Variants in POPDC1 observed in about 807,000 individuals in gnomAD.
The protein encoded by POPDC1 is popeye domain cAMP effector 1.
the POPDC1 span, chr6:105,101,180 T>C: frequency 6.2e-7 from 1 of 1,613,418 alleles, no homozygotes; most frequent in Non-Finnish European, 8.5e-7. Context: ...CGGTTTCATC[T>C]TGGCAGAGGC....
chr6:105,103,289 T>C, the POPDC1 span, among the ~76,000 whole-genome samples: 1 of 152,200 alleles, frequency 6.6e-6, no homozygotes. Context: ...TTGTAAATAT[T>C]TGTAAGAACA....
the POPDC1 span, chr6:105,096,842 T>C: frequency 4.6e-5 from 7 of 152,780 alleles, no homozygotes; most frequent in African/African-American, 1.7e-4. Context: ...AAGAAATTTA[T>C]TTGATCAAAT....
At chr6:105,102,956 G>A in the POPDC1 span, among the ~76,000 whole-genome samples, 1 of 152,158 alleles carries the variant, frequency 6.6e-6, no homozygotes, top group Non-Finnish European at 1.5e-5. Flanking sequence ...GACATAAACT[G>A]TAGAAAAGAA....
chr6:105,133,332 G>C, the POPDC1 span: 6 of 1,570,250 alleles, frequency 3.8e-6, no homozygotes, highest in South Asian at 5.7e-5. Flanking sequence ...GTTACATAAA[G>C]TATCAGTTAG....
At chr6:105,132,186 G>A in the POPDC1 span, among the ~76,000 whole-genome samples, 7 of 152,008 alleles carry the variant, frequency 4.6e-5, no homozygotes, top group African/African-American at 7.2e-5. Context: ...AGCTGGTCTC[G>A]AACTCCTGAC....
the POPDC1 span, among the ~76,000 whole-genome samples, chr6:105,130,692 TA>T: frequency 6.6e-6 from 1 of 152,162 alleles, no homozygotes; most frequent in Non-Finnish European, 1.5e-5. Context: ...TATAAACCAA[TA>T]AAGTACAGCT....
At chr6:105,134,537 C>T in the POPDC1 span, among the ~76,000 whole-genome samples, 13 of 152,224 alleles carry the variant, frequency 8.5e-5, no homozygotes, top group South Asian at 2.7e-3. Context: ...ACCCTAAATA[C>T]ATTTAAATTT....
At chr6:105,108,589 C>A in the POPDC1 span, among the ~76,000 whole-genome samples, 22 of 152,054 alleles carry the variant, frequency 1.4e-4, no homozygotes, top group African/African-American at 5.3e-4. Flanking sequence ...AACAGCAAGG[C>A]AATGAAACAA....
At chr6:105,111,179 A>C in the POPDC1 span, among the ~76,000 whole-genome samples, 1 of 152,192 alleles carries the variant, frequency 6.6e-6, no homozygotes, top group African/African-American at 2.4e-5. Flanking sequence ...TTGTCTTGTG[A>C]TTTTAAAAAA....
the POPDC1 span, among the ~76,000 whole-genome samples, chr6:105,109,888 G>A: frequency 2.6e-5 from 4 of 151,982 alleles, no homozygotes; most frequent in East Asian, 7.7e-4. Context: ...TTAGCTTGGA[G>A]GGGGGTCAGT....
the POPDC1 span, chr6:105,125,361 T>G: frequency 6.2e-7 from 1 of 1,609,176 alleles, no homozygotes; most frequent in Non-Finnish European, 8.5e-7. Flanking sequence ...AAAGGTAAAC[T>G]AGGAATTTTG....
the POPDC1 span, chr6:105,101,258 C>A: frequency 1.3e-6 from 2 of 1,526,148 alleles, no homozygotes. Flanking sequence ...GCACAATCTA[C>A]CCAGACCCTG....
chr6:105,133,283 C>T, the POPDC1 span: 1 of 1,297,742 alleles, frequency 7.7e-7, no homozygotes, highest in Non-Finnish European at 1.1e-6. Context: ...TACTCTGAAG[C>T]TCTCAATGTA....
At chr6:105,130,641 C>T in the POPDC1 span, among the ~76,000 whole-genome samples, 12 of 152,140 alleles carry the variant, frequency 7.9e-5, no homozygotes, top group African/African-American at 1.9e-4. Flanking sequence ...AGAGACTATA[C>T]GTACATAAAC....
the POPDC1 span, among the ~76,000 whole-genome samples, chr6:105,125,863 GA>G: frequency 1.3e-5 from 2 of 152,206 alleles, no homozygotes; most frequent in Admixed American, 1.3e-4. Context: ...AAGAGTTTGA[GA>G]GCAGCCTGGG....
chr6:105,113,831 T>TTTTA, the POPDC1 span, among the ~76,000 whole-genome samples: 367 of 146,942 alleles, frequency 2.5e-3, 3 homozygotes, highest in East Asian at 6.4e-3. Context: ...TTTTTTTTTT[T>TTTTA]ATAGAGACAA....
the POPDC1 span, among the ~76,000 whole-genome samples, chr6:105,127,042 C>G: frequency 6.6e-6 from 1 of 152,180 alleles, no homozygotes; most frequent in Non-Finnish European, 1.5e-5. Context: ...CTCTGGAAGT[C>G]ATACTAATTG....
the POPDC1 span, among the ~76,000 whole-genome samples, chr6:105,115,456 G>T: frequency 6.6e-6 from 1 of 152,224 alleles, no homozygotes; most frequent in Non-Finnish European, 1.5e-5. Context: ...GGCAAAACCA[G>T]TGAACAATTT....
At chr6:105,123,923 C>T in the POPDC1 span, among the ~76,000 whole-genome samples, 1 of 152,156 alleles carries the variant, frequency 6.6e-6, no homozygotes. Flanking sequence ...TGATTATCTA[C>T]AGCTCACATT....
Sources: gnomAD v4.1 joint callset for allele counts (sites outside exome capture counted in the v4.1 genomes callset) on GRCh38, gnomAD v4.1.1 for gene constraint, MANE v1.5 for transcripts, NCBI Gene and HGNC (gene_info 2026-07-23, HGNC 2026-07-21) for gene names.